CCDC188: variants seen among roughly 807,000 people sequenced by gnomAD.
The protein encoded by CCDC188 is coiled-coil domain-containing protein 188.
Under a neutral mutation model 50.7 loss-of-function variants are expected in CCDC188, and 37 were observed. The observed-to-expected ratio is 0.73, with a 90% CI of 0.56 to 0.96. The LOEUF (loss-of-function observed/expected upper bound fraction) is 0.96. Among genes scored for constraint, CCDC188 ranks in the 40% least tolerant of loss-of-function variants. The pLI is 0.00. For missense variants in CCDC188, 453 were observed against 512.9 expected, an observed-to-expected ratio of 0.88 and a Z score of 1.13; for synonymous variants, 208 against 228.0, an observed-to-expected ratio of 0.91 and a Z score of 0.79.
rs536008942 is a variant in CCDC188, at chr22:20,150,097, G to A, written c.628-38C>T. 4 of 1,540,846 alleles carry A rather than the reference G, an allele frequency of 2.6e-6. No individual in the cohort carries two copies. In the South Asian group the frequency reaches 4.8e-5, roughly 18 times the overall value. ...CCCCAGATCAGCCCTAAGACTGCGG[G>A]CTAGAGGGGCGTTGGCTGCATGGGG... On this transcript the variant is annotated intron_variant, in intron 2 of 8. Transcript: ENST00000439765.
Position 20,148,577 on chromosome 22 carries a change from C to A in CCDC188, c.*37G>T. The A allele has an allele frequency of 1.3e-6, 2 of 1,505,736 alleles. No homozygotes were observed. Among genetic ancestry groups the A allele is most frequent in the Non-Finnish European group, 1.8e-6 (2 of 1,127,390 alleles). The allele number at this position is 1,505,736 out of a possible 1,614,324, so 93.3% of individuals were successfully genotyped here. On this transcript the variant is annotated 3_prime_UTR_variant, in exon 9 of 9. Coordinates refer to ENST00000439765, the MANE Select transcript of CCDC188 (RefSeq NM_001365892.2). ...ACTGGGCATCCGGGGCAGTGCTGGT[C>A]GCCTGGCCTCCTTGCTGGGGCCGCT...
rs530347875 is a variant in CCDC188 at position 20,150,559 on chromosome 22, G to A, written c.428C>T (p.Ser143Leu). The A allele has an allele frequency of 1.4e-3, 2,212 of 1,548,472 alleles. 32 individuals carry two copies. In the South Asian group the frequency reaches 0.02, roughly 14 times the overall value. ...AAGCTGGGACAGGGCTACCCTGGGC[G>A]AGGCCAGGGCCCCTCCCTCCCGTGA... ...PLSREGGALA[S>L]PRVALSQLQC... Residue 143 changes from serine (S) to leucine (L), a missense_variant, in exon 1 of 9, where the codon TCG (serine) becomes TTG (leucine). Ser to Leu is a moderately radical substitution (Grantham distance 145). Coordinates refer to ENST00000439765, the MANE Select transcript of CCDC188 (RefSeq NM_001365892.2).
At position 20,150,896 on chromosome 22, in the gene CCDC188, C is replaced by T; in HGVS notation, c.91G>A (p.Asp31Asn). Residue 31 changes from aspartate (D) to asparagine (N), a missense_variant, in exon 1 of 9, where the codon GAC (aspartate) becomes AAC (asparagine). Coordinates refer to ENST00000439765, the MANE Select transcript of CCDC188 (RefSeq NM_001365892.2). Reference sequence around the variant, plus strand: ...CCTACAAATCCCTGGCAGGGCTGGTCCAGGCCTCCTCCATGGCTGCTGGAG... The same window carrying T: ...CCTACAAATCCCTGGCAGGGCTGGTTCAGGCCTCCTCCATGGCTGCTGGAG... ...PASSSHGGGL[D>N]QPCQGFVGWP... The T allele has an allele frequency of 6.8e-7, 1 of 1,465,862 alleles. No homozygotes were observed. Among genetic ancestry groups the T allele is most frequent in the Non-Finnish European group, 9.1e-7 (1 of 1,099,244 alleles). 90.8% of individuals were successfully genotyped at this position (1,465,862 alleles called of 1,614,324 possible).
In CCDC188 at chr22:20,150,618, G is replaced by A. The variant is rs944714695; in HGVS notation, c.369C>T (p.Gly123=). 1.3e-6 allele frequency: 2 copies of A among 1,543,424 alleles called. No individual in the cohort carries two copies. The highest frequency in any genetic ancestry group is 1.4e-5 in the African/African-American group (1 of 72,892). Residue 123 remains glycine (G), a synonymous_variant, in exon 1 of 9, where the codon GGC becomes GGT. Transcript: ENST00000439765. ...GGCATGGGCAGGGTCTGGTCCCTGA[G>A]CCAATGGATCCCCCCTGCCTGGGAG... ...QGAPRQGGSI[G]SGTRPCPCPP...
chr22:20,149,241 C>G lies in CCDC188; in HGVS notation c.918G>C (p.Glu306Asp), dbSNP rs1039939109. The G allele has an allele frequency of 2.7e-6, 4 of 1,493,510 alleles. No individual in the cohort carries two copies. The highest frequency in any genetic ancestry group is 3.6e-6 in the Non-Finnish European group (4 of 1,118,958). The allele number at this position is 1,493,510 out of a possible 1,614,324, so 92.5% of individuals were successfully genotyped here. A position where few individuals can be genotyped will look rare whatever the true frequency, so the allele number is the denominator to read the frequency against. The change falls in exon 7 of 9, where the codon GAG becomes GAC. Residue 306 changes from glutamate to aspartate, a missense_variant. Physicochemically the swap from Glu to Asp is conservative, Grantham distance 45 (BLOSUM62 2). Transcript: ENST00000439765. Reference sequence around the variant, plus strand: ...TGGCTCGAGTGCGGCACTGGGCCCGCTCCCTGCGGGGGCCTCACTGTCAGG... The same window carrying G: ...TGGCTCGAGTGCGGCACTGGGCCCGGTCCCTGCGGGGGCCTCACTGTCAGG... ...MEDIQLEILR[E>D]RAQCRTRARK...
chr22:20,148,772 C>T lies in CCDC188; in HGVS notation c.1051G>A (p.Ala351Thr), dbSNP rs563407474. 197 of 1,473,556 alleles carry T rather than the reference C, an allele frequency of 1.3e-4. No homozygotes were observed. In the East Asian group the frequency reaches 2.9e-3, roughly 22 times the overall value. The allele number at this position is 1,473,556 out of a possible 1,614,324, so 91.3% of individuals were successfully genotyped here. ...WLLTLRLLLG[A>T]LLVWTAAYVY... ...TAGGCAGCGGTCCAGACCAGCAGGG[C>T]GCCCAGCAGCAGCCTCAGGGTCAGC... The change falls in exon 9 of 9, where the codon GCC becomes ACC. Residue 351 changes from alanine (A) to threonine (T), a missense_variant. By Grantham distance (58) the Ala-to-Thr change is moderately conservative (BLOSUM62 0). Transcript: ENST00000439765.
Position 20,148,896 on chromosome 22 carries a change from T to A in CCDC188, c.1001A>T (p.Lys334Met). 6.6e-7 allele frequency: 1 copy of A among 1,516,040 alleles called. No homozygotes were observed. The highest frequency in any genetic ancestry group is 2.1e-4 in the Middle Eastern group (1 of 4,764). 93.9% of individuals were successfully genotyped at this position (1,516,040 alleles called of 1,614,324 possible). The change falls in exon 8 of 9, where the codon AAG (lysine) becomes ATG (methionine). Residue 334 changes from lysine to methionine, a missense_variant. Physicochemically the swap from Lys to Met is moderately conservative, Grantham distance 95. Coordinates refer to ENST00000439765, the MANE Select transcript of CCDC188 (RefSeq NM_001365892.2). ...SKGRPKLGSSKGLAGQLWLLT... is the reference protein window; with the variant it reads ...SKGRPKLGSSMGLAGQLWLLT... The stretch of plus-strand genomic sequence containing the variant: ...CTACCAGAGCTGGCCTGCCAGGCCC[T>A]TGGAGCTTCCCAGCTTTGGCCTCCC...
At chr22:20,148,823 G>T in intron 8 of CCDC188, 23 bp from the exon 9 acceptor site, 2 of 1,463,164 alleles carry the variant, frequency 1.4e-6, no homozygotes, top group Non-Finnish European at 1.8e-6. Flanking sequence ...GTGGTCAGGG[G>T]CAGGGGCGCG....
chr22:20,149,850 C>T, intron 3 of CCDC188, 70 bp from the exon 4 acceptor site: 1 of 1,482,740 alleles, frequency 6.7e-7, no homozygotes, highest in Non-Finnish European at 9.0e-7. Flanking sequence ...GCTGGGCCCA[C>T]TGGCCTACTG....
intron 6 of CCDC188, 81 bp from the exon 7 acceptor site, chr22:20,149,325 G>A (rs1339613817): frequency 6.5e-7 from 1 of 1,543,722 alleles, no homozygotes; most frequent in Non-Finnish European, 8.8e-7. Flanking sequence ...CTGTGGAGGT[G>A]GGGGGTCAAG....
intron 2 of CCDC188, 26 bp from the exon 3 acceptor site, chr22:20,150,085 C>T: frequency 6.5e-7 from 1 of 1,543,294 alleles, no homozygotes; most frequent in Non-Finnish European, 8.8e-7. Context: ...CAGATCAGCC[C>T]TAAGACTGCG....
rs2050555917 is a variant in CCDC188, at chr22:20,148,512, TG to T, written c.*101del. On this transcript the variant is annotated 3_prime_UTR_variant, in exon 9 of 9. Transcript: ENST00000439765. ...CCTTCTCTGCAGCTTCTGGCAAGGA[TG>T]GTGCACAGTGGTGCCATGTGCAGGG... The T allele has an allele frequency of 4.3e-6, 6 of 1,405,902 alleles. No homozygotes were observed. The highest frequency in any genetic ancestry group is 5.5e-6 in the Non-Finnish European group (6 of 1,082,214). The allele number at this position is 1,405,902 out of a possible 1,614,324, so 87.1% of individuals were successfully genotyped here.
In CCDC188 at chr22:20,150,268, G is replaced by A. The variant is rs1338063770; in HGVS notation, c.520-18C>T. ...TGCCTTTTCTGGGGTGGGGGGCAGA[G>A]AGAGGGGGCTGCCTGTCATGGCCGC... On this transcript the variant is annotated intron_variant, in intron 1 of 8. Coordinates refer to ENST00000439765, the MANE Select transcript of CCDC188 (RefSeq NM_001365892.2). 2 of 1,521,704 alleles carry A rather than the reference G, an allele frequency of 1.3e-6. No homozygotes were observed. The highest frequency in any genetic ancestry group is 1.4e-5 in the African/African-American group (1 of 72,410). 94.3% of individuals were successfully genotyped at this position (1,521,704 alleles called of 1,614,324 possible). A position where few individuals can be genotyped will look rare whatever the true frequency, so the allele number is the denominator to read the frequency against.
chr22:20,148,959 A>G (rs2050566683), intron 7 of CCDC188, 35 bp from the exon 8 acceptor site: 2 of 1,459,792 alleles, frequency 1.4e-6, no homozygotes, highest in East Asian at 2.5e-5. Context: ...GCCCACCCCG[A>G]GTGTCCAGGC....
rs1338031757 is a variant in CCDC188 at position 20,150,010 on chromosome 22, T to G, written c.677A>C (p.Gln226Pro). ...CTGGCACAGCTCCCGCCGCAGCAGC[T>G]GCAGAGGTGCCCTGTTCCCCAAGGG... is the stretch of plus-strand genomic sequence containing the variant. ...TQPLGNRAPLQLLRRELCQGQ... is the reference protein window; with the variant it reads ...TQPLGNRAPLPLLRRELCQGQ... Residue 226 changes from glutamine to proline, a missense_variant, in exon 3 of 9, where the codon CAG (glutamine) becomes CCG (proline). Physicochemically the swap from Gln to Pro is moderately conservative, Grantham distance 76. Transcript: ENST00000439765. 4 of 1,548,408 alleles carry G rather than the reference T, an allele frequency of 2.6e-6. No homozygotes were observed. The East Asian group carries it at 9.8e-5, about 38-fold the overall frequency.
rs1451839911 is a variant in CCDC188 at position 20,149,643 on chromosome 22, A to G, written c.790-3T>C. ...ATCTCAGCCACGTTGTCCCACACCT[A>G]GGGGGAGGTGGGGTCACGCCTGAGG... is the stretch of plus-strand genomic sequence containing the variant. On this transcript the variant is annotated splice_polypyrimidine_tract_variant and splice_region_variant and intron_variant, in intron 4 of 8. Coordinates refer to ENST00000439765, the MANE Select transcript of CCDC188 (RefSeq NM_001365892.2). 5.2e-6 allele frequency: 8 copies of G among 1,549,816 alleles called. No homozygotes were observed. In the African/African-American group the frequency reaches 5.5e-5, roughly 11 times the overall value.
chr22:20,151,029 C>T lies in CCDC188; in HGVS notation c.-43G>A. ...TCCTGATCCCAGGTCCAGGCTCTGG[C>T]CTGGCCCAACCTGCCACCCTCTTAC... is the stretch of plus-strand genomic sequence containing the variant. On this transcript the variant is annotated 5_prime_UTR_variant, in exon 1 of 9. Coordinates refer to ENST00000439765, the MANE Select transcript of CCDC188 (RefSeq NM_001365892.2). 3.7e-6 allele frequency: 5 copies of T among 1,336,498 alleles called. No homozygotes were observed. In the Admixed American group the frequency reaches 1.3e-4, roughly 35 times the overall value. 82.8% of individuals were successfully genotyped at this position (1,336,498 alleles called of 1,614,324 possible). A position where few individuals can be genotyped will look rare whatever the true frequency, so the allele number is the denominator to read the frequency against.
chr22:20,148,665 G>A lies in CCDC188; in HGVS notation c.1158C>T (p.Ala386=). 6.5e-7 allele frequency: 1 copy of A among 1,547,350 alleles called. No individual in the cohort carries two copies. The highest frequency in any genetic ancestry group is 8.7e-7 in the Non-Finnish European group (1 of 1,145,672). The change falls in exon 9 of 9, where the codon GCC becomes GCT. Residue 386 remains alanine (A), a synonymous_variant. Coordinates refer to ENST00000439765, the MANE Select transcript of CCDC188 (RefSeq NM_001365892.2). ...LSRATVWKLR[A]LLDPFLRLKV... is the part of the protein sequence containing the mutation. ...TGAGGCGCAGGAAGGGGTCCAGCAG[G>A]GCCCGGAGCTTCCAGACGGTGGCAC...
chr22:20,149,327 G>GGA, intron 6 of CCDC188, 83 bp from the exon 7 acceptor site: 2 of 1,545,914 alleles, frequency 1.3e-6, no homozygotes, highest in South Asian at 1.2e-5. Context: ...GTGGAGGTGG[G>GGA]GGGTCAAGGA....
Sources: allele counts gnomAD v4.1 joint callset, GRCh38; gene constraint gnomAD v4.1.1; transcripts MANE v1.5; gene names NCBI Gene and HGNC (gene_info 2026-07-23, HGNC 2026-07-21).